The following RSPH14 variants were observed in gnomAD, a reference collection of about 807,000 sequenced individuals.
RSPH14 encodes radial spoke head 14 homolog.
In RSPH14, 20 loss-of-function variants were observed where a neutral mutation model predicts 26.7. The ratio of observed to expected loss-of-function variants is 0.75; its 90% CI spans 0.53 to 1.09. RSPH14 has a LOEUF of 1.09. Among genes scored for constraint, RSPH14 ranks in the 50% least tolerant of loss-of-function variants. RSPH14 has a pLI of 0.00. For missense variants in RSPH14, 449 were observed against 457.2 expected (o/e 0.98, Z 0.16); for synonymous variants, 177 against 189.3 (o/e 0.93, Z 0.53).
chr22:23,075,574 A>C (rs1243715122), intron 4 of RSPH14, among the ~76,000 whole-genome samples: 1 of 152,182 alleles, frequency 6.6e-6, no homozygotes, highest in Non-Finnish European at 1.5e-5. Flanking sequence ...ATTAAGGTAT[A>C]ACTCTCTTTT....
chr22:23,161,488 C>T, the RSPH14 span: 8 of 1,602,974 alleles, frequency 5.0e-6, no homozygotes, highest in Non-Finnish European at 6.8e-6. Flanking sequence ...ATTACTTCTC[C>T]CCTCCTTACA....
intron 1 of RSPH14, among the ~76,000 whole-genome samples, chr22:23,140,764 C>T (rs2070584331): frequency 6.6e-6 from 1 of 152,188 alleles, no homozygotes. Context: ...ACAAAACAAA[C>T]CAAACAAGCA....
chr22:23,151,992 A>G, the RSPH14 span, among the ~76,000 whole-genome samples: 1 of 152,308 alleles, frequency 6.6e-6, no homozygotes, highest in Non-Finnish European at 1.5e-5. Flanking sequence ...CGGAGCCCAC[A>G]TCGGCGCACA....
chr22:23,087,797 T>C (rs1047986006), intron 4 of RSPH14, among the ~76,000 whole-genome samples: 5 of 152,174 alleles, frequency 3.3e-5, no homozygotes, highest in Non-Finnish European at 7.3e-5. Context: ...GCCAGTTTAT[T>C]GATCTGGGTG....
upstream of RSPH14, chr22:23,145,470 G>T: frequency 6.2e-7 from 1 of 1,609,650 alleles, no homozygotes. Context: ...GGTCCCGCGT[G>T]GCTCTCGTTG....
chr22:23,135,328 A>G (rs1214510155), intron 3 of RSPH14, among the ~76,000 whole-genome samples: 1 of 148,932 alleles, frequency 6.7e-6, no homozygotes, highest in Non-Finnish European at 1.5e-5. Flanking sequence ...AAAAAAAAAA[A>G]AAAAAAAAAA....
intron 4 of RSPH14, among the ~76,000 whole-genome samples, chr22:23,109,679 C>T (rs1425697264): frequency 6.6e-6 from 1 of 152,206 alleles, no homozygotes; most frequent in African/African-American, 2.4e-5. Flanking sequence ...GAGCCTGTCT[C>T]CCTCAGCATC....
At chr22:23,154,182 G>A in the RSPH14 span, among the ~76,000 whole-genome samples, 1 of 152,016 alleles carries the variant, frequency 6.6e-6, no homozygotes, top group Non-Finnish European at 1.5e-5. Flanking sequence ...CCTGGGCTCG[G>A]GCCCTCACCT....
intron 4 of RSPH14, among the ~76,000 whole-genome samples, chr22:23,081,821 CAAAAA>C (rs55713577): frequency 4.3e-5 from 2 of 46,744 alleles, no homozygotes; most frequent in African/African-American, 9.1e-5. Flanking sequence ...GATTCCATCT[CAAAAA>C]AAAAAAAAAA....
At chr22:23,157,248 T>C in the RSPH14 span, among the ~76,000 whole-genome samples, 7 of 126,214 alleles carry the variant, frequency 5.5e-5, no homozygotes, top group Admixed American at 4.0e-4. Flanking sequence ...GGCCCTGGAC[T>C]AACAGGTTTT....
chr22:23,146,447 A>G (rs1314223087), upstream of RSPH14, among the ~76,000 whole-genome samples: 1 of 152,008 alleles, frequency 6.6e-6, no homozygotes, highest in African/African-American at 2.4e-5. Flanking sequence ...CCTGGGCCCA[A>G]GTGATCCTCC....
the RSPH14 span, chr22:23,158,101 G>C: frequency 6.2e-7 from 1 of 1,606,524 alleles, no homozygotes; most frequent in Non-Finnish European, 8.5e-7. Context: ...CTGCCTGGAA[G>C]GGCTCCCAGA....
At chr22:23,130,013 A>G (rs2070274720) in intron 4 of RSPH14, among the ~76,000 whole-genome samples, 1 of 150,936 alleles carries the variant, frequency 6.6e-6, no homozygotes, top group African/African-American at 2.4e-5. Flanking sequence ...AAAGGAAGGA[A>G]AAGAAGGAAA....
chr22:23,152,360 G>T, the RSPH14 span: 1 of 1,199,968 alleles, frequency 8.3e-7, no homozygotes, highest in Non-Finnish European at 1.2e-6. Context: ...AGGAGTGAGG[G>T]GTGTCTCACC....
At chr22:23,163,065 C>T in the RSPH14 span, 1 of 252,402 alleles carries the variant, frequency 4.0e-6, no homozygotes. Flanking sequence ...GCATGCACCA[C>T]CATGCCTGGC....
intron 4 of RSPH14, among the ~76,000 whole-genome samples, chr22:23,130,083 GGAAGAAAGAAAGAAAGAAAGAAAGAA>G (rs2070290899): frequency 3.4e-5 from 1 of 29,112 alleles, no homozygotes; most frequent in Non-Finnish European, 7.0e-5. Flanking sequence ...AAGAAAGAAA[GGAAGAAAGAAAGAAAGAAAGAAAGAA>G]AGAAAGAAAG....
chr22:23,153,434 T>G, the RSPH14 span: 1 of 375,032 alleles, frequency 2.7e-6, no homozygotes, highest in African/African-American at 2.2e-5. Flanking sequence ...CTCCAGTCCC[T>G]CCCTGACCTA....
chr22:23,073,115 T>C (rs1002660080), intron 4 of RSPH14, among the ~76,000 whole-genome samples: 2 of 152,226 alleles, frequency 1.3e-5, no homozygotes, highest in East Asian at 3.8e-4. Flanking sequence ...CACGCTAGCC[T>C]CAGAATACTT....
intron 4 of RSPH14, among the ~76,000 whole-genome samples, chr22:23,080,249 A>C (rs916005743): frequency 6.6e-6 from 1 of 152,182 alleles, no homozygotes; most frequent in Non-Finnish European, 1.5e-5. Flanking sequence ...AGGCGACACT[A>C]TCACCCTTTG....
Sources: gnomAD v4.1 joint callset for allele counts (sites outside exome capture counted in the v4.1 genomes callset) on GRCh38, gnomAD v4.1.1 for gene constraint, MANE v1.5 for transcripts, NCBI Gene and HGNC (gene_info 2026-07-23, HGNC 2026-07-21) for gene names.